The following EPG5 variants were observed in gnomAD, a reference collection of about 807,000 sequenced individuals.
EPG5 encodes ectopic P-granules 5 autophagy tethering factor.
In EPG5, 159 loss-of-function variants were observed where a neutral mutation model predicts 302.7. The observed-to-expected ratio is 0.53, with a 90% CI of 0.46 to 0.60. EPG5 has a LOEUF of 0.60. EPG5 is among the 20% of genes least tolerant of loss of function. The pLI is 0.00. For missense variants in EPG5, 2,896 were observed against 3,092.4 expected, an observed-to-expected ratio of 0.94 and a Z score of 1.51; for synonymous variants, 1,158 against 1,136.8, an observed-to-expected ratio of 1.02 and a Z score of -0.37.
the EPG5 span, chr18:45,825,489 A>T: frequency 1.8e-6 from 1 of 560,506 alleles, no homozygotes. Flanking sequence ...AAATCATCCC[A>T]GTGATTCCCC....
chr18:45,923,416 T>C (rs778426855), intron 14 of EPG5, 29 bp from the exon 15 acceptor site: 5 of 1,602,080 alleles, frequency 3.1e-6, no homozygotes, highest in Non-Finnish European at 3.4e-6. Flanking sequence ...ATCACAAACA[T>C]ACAACCTTGG....
chr18:45,896,505 T>C (rs1026959582), intron 27 of EPG5, among the ~76,000 whole-genome samples: 1 of 152,166 alleles, frequency 6.6e-6, no homozygotes, highest in Non-Finnish European at 1.5e-5. Flanking sequence ...CTTCATTACT[T>C]TTCCCCCTTC....
Position 45,948,448 on chromosome 18 carries a change from C to A in EPG5, c.1571+55G>T, listed in dbSNP as rs986395547. On this transcript the variant is annotated intron_variant, in intron 6 of 43. Transcript: ENST00000282041. ...ATCTAGGCAGTTTCAGGAGCCAATC[C>A]TTTAGAAGAAAGAAGCATTTCAATC... 10 of 1,414,028 alleles carry A rather than the reference C, an allele frequency of 7.1e-6. No individual in the cohort carries two copies. In the Admixed American group the frequency reaches 1.7e-4, roughly 24 times the overall value. The allele number at this position is 1,414,028 out of a possible 1,614,324, so 87.6% of individuals were successfully genotyped here.
intron 40 of EPG5, 111 bp downstream of exon 40, chr18:45,859,993 G>A (rs2048598534): frequency 7.3e-7 from 1 of 1,371,582 alleles, no homozygotes; most frequent in East Asian, 2.3e-5. Flanking sequence ...CAGAAAATTA[G>A]AATGGCAAAT....
At chr18:45,857,772 T>C in intron 42 of EPG5, 81 bp downstream of exon 42, 1 of 1,103,544 alleles carries the variant, frequency 9.1e-7, no homozygotes, top group Non-Finnish European at 1.4e-6. Context: ...AAAAACCTAC[T>C]GAAGTATATC....
At chr18:45,965,023 A>G (rs935089189) in intron 1 of EPG5, among the ~76,000 whole-genome samples, 7 of 152,168 alleles carry the variant, frequency 4.6e-5, no homozygotes, top group Non-Finnish European at 1.0e-4. Context: ...CTCCTCACAG[A>G]CCTGGATACA....
At chr18:45,909,043 C>T (rs1335221314) in intron 23 of EPG5, among the ~76,000 whole-genome samples, 2 of 152,020 alleles carry the variant, frequency 1.3e-5, no homozygotes, top group Non-Finnish European at 2.9e-5. Context: ...ACCAGCAGTG[C>T]TAGAAAAATA....
intron 23 of EPG5, among the ~76,000 whole-genome samples, chr18:45,908,673 G>T (rs1405110017): frequency 6.6e-6 from 1 of 152,124 alleles, no homozygotes; most frequent in Non-Finnish European, 1.5e-5. Context: ...AGTTCTGGCT[G>T]GGCGCAGTGG....
chr18:45,854,287 T>C (rs2048471033), intron 43 of EPG5, among the ~76,000 whole-genome samples: 1 of 152,240 alleles, frequency 6.6e-6, no homozygotes, highest in Admixed American at 6.5e-5. Context: ...AACCTGCTAA[T>C]CTGCTAATTA....
intron 1 of EPG5, among the ~76,000 whole-genome samples, chr18:45,957,078 T>C (rs533637091): frequency 8.0e-4 from 122 of 152,258 alleles, no homozygotes; most frequent in Middle Eastern, 6.8e-3. Context: ...CTTGAAGAAA[T>C]TTTAAGGCAG....
intron 9 of EPG5, 96 bp downstream of exon 9, chr18:45,943,065 G>T: frequency 8.2e-7 from 1 of 1,219,958 alleles, no homozygotes; most frequent in Non-Finnish European, 1.1e-6. Context: ...TAAGACCTGA[G>T]GTTTACAACT....
intron 10 of EPG5, among the ~76,000 whole-genome samples, chr18:45,935,673 C>G (rs77212344): frequency 0.032 from 4,939 of 152,220 alleles, 235 homozygotes; most frequent in African/African-American, 0.11. Flanking sequence ...TGTCTGAGCA[C>G]ACACACAGGT....
chr18:45,883,266 A>G (rs1393365908), intron 30 of EPG5, among the ~76,000 whole-genome samples: 1 of 152,178 alleles, frequency 6.6e-6, no homozygotes, highest in East Asian at 1.9e-4. Context: ...CACTGGCGAC[A>G]GTGCCACAAA....
At chr18:45,810,730 G>A in the EPG5 span, among the ~76,000 whole-genome samples, 4 of 152,122 alleles carry the variant, frequency 2.6e-5, no homozygotes, top group African/African-American at 4.8e-5. Context: ...GCAGTGAGCC[G>A]AAATAGTGCC....
chr18:45,908,124 G>A, intron 23 of EPG5, 43 bp from the exon 24 acceptor site: 1 of 1,433,614 alleles, frequency 7.0e-7, no homozygotes, highest in Non-Finnish European at 9.5e-7. Context: ...AAAAAGATGA[G>A]CATACAAACA....
chr18:45,858,120 C>T lies in EPG5; in HGVS notation c.7227-52G>A, dbSNP rs577787353. ...AATTAGAAGTAAATTTTTCCCACTCCCATTTAACTGCAAGTCCACATCAGA... is the reference window on the plus strand; with the variant it reads ...AATTAGAAGTAAATTTTTCCCACTCTCATTTAACTGCAAGTCCACATCAGA... On this transcript the variant is annotated intron_variant, in intron 41 of 43. Transcript: ENST00000282041. The T allele has an allele frequency of 1.6e-5, 22 of 1,366,208 alleles. No homozygotes were observed. The East Asian group carries it at 4.7e-4, about 29-fold the overall frequency. The allele number at this position is 1,366,208 out of a possible 1,614,324, so 84.6% of individuals were successfully genotyped here. A position where few individuals can be genotyped will look rare whatever the true frequency, so the allele number is the denominator to read the frequency against.
chr18:45,910,078 T>G (rs2049856632), intron 23 of EPG5, among the ~76,000 whole-genome samples: 1 of 152,096 alleles, frequency 6.6e-6, no homozygotes, highest in Non-Finnish European at 1.5e-5. Flanking sequence ...CTTGACCTCC[T>G]GGGCTTAAGG....
chr18:45,927,716 T>C (rs373347946), intron 13 of EPG5, among the ~76,000 whole-genome samples: 1 of 151,736 alleles, frequency 6.6e-6, no homozygotes, highest in African/African-American at 2.4e-5. Flanking sequence ...GAGGATATCA[T>C]GCTAGCTGAA....
At chr18:45,893,736 T>C (rs1246738635) in intron 27 of EPG5, among the ~76,000 whole-genome samples, 10 of 152,102 alleles carry the variant, frequency 6.6e-5, no homozygotes, top group African/African-American at 2.4e-4. Context: ...AGTAAAAATA[T>C]ACAGTAAGCA....
Sources: gnomAD v4.1 joint callset for allele counts (sites outside exome capture counted in the v4.1 genomes callset) on GRCh38, gnomAD v4.1.1 for gene constraint, MANE v1.5 for transcripts, NCBI Gene and HGNC (gene_info 2026-07-23, HGNC 2026-07-21) for gene names.